PCDH11X: variants seen among roughly 807,000 people sequenced by gnomAD.
PCDH11X encodes the protein protocadherin 11 X-linked, also known as protocadherin-11 X-linked.
Under a neutral mutation model 53.3 loss-of-function variants are expected in PCDH11X, and 18 were observed. The ratio of observed to expected loss-of-function variants is 0.34; its 90% confidence interval spans 0.23 to 0.50. PCDH11X has a LOEUF of 0.50. Ranked by LOEUF, PCDH11X falls within the 20% of genes least tolerant of loss-of-function variation. PCDH11X has a pLI of 0.98. For missense variants in PCDH11X, 570 were observed against 1,032.4 expected (o/e 0.55, Z 6.14); for synonymous variants, 279 against 393.3 (o/e 0.71, Z 3.44).
chrX:92,049,028 T>A (rs1260494646), intron 6 of PCDH11X, among the ~76,000 whole-genome samples: 1 of 111,473 alleles, frequency 9.0e-6, no homozygotes, highest in African/African-American at 3.3e-5. Context: ...AAAGGAAATG[T>A]TTAGGTTAGG....
intron 10 of PCDH11X, among the ~76,000 whole-genome samples, chrX:92,600,139 T>G (rs1335355373): frequency 1.9e-5 from 2 of 105,392 alleles, no homozygotes; most frequent in African/African-American, 7.3e-5. Flanking sequence ...TTGGAAAATT[T>G]GCAGCCTGAT....
intron 6 of PCDH11X, among the ~76,000 whole-genome samples, chrX:91,925,768 A>G (rs776998074): frequency 1.8e-5 from 2 of 111,101 alleles, no homozygotes; most frequent in East Asian, 5.7e-4. Context: ...CTCAAGATTG[A>G]GAAAATATAG....
intron 6 of PCDH11X, among the ~76,000 whole-genome samples, chrX:92,007,495 C>T (rs2147973487): frequency 9.0e-6 from 1 of 111,117 alleles, no homozygotes; most frequent in African/African-American, 3.3e-5. Flanking sequence ...TGGGACTCAC[C>T]CTTCAGGGCA....
intron 6 of PCDH11X, among the ~76,000 whole-genome samples, chrX:91,886,549 TCA>T (rs1271829762): frequency 9.0e-6 from 1 of 110,968 alleles, no homozygotes; most frequent in East Asian, 2.8e-4. Flanking sequence ...ATTATATTTC[TCA>T]CTTTTTTATT....
chrX:92,278,935 C>G (rs1307416263), intron 8 of PCDH11X, among the ~76,000 whole-genome samples: 1 of 108,268 alleles, frequency 9.2e-6, no homozygotes, highest in Non-Finnish European at 1.9e-5. Flanking sequence ...CCTTAGCCTT[C>G]CGAGTAGCTG....
At chrX:92,602,701 GGA>G (rs1926373911) in intron 10 of PCDH11X, among the ~76,000 whole-genome samples, 2 of 95,685 alleles carry the variant, frequency 2.1e-5, no homozygotes. Context: ...ACATTCAATG[GGA>G]TATAGACTTC....
intron 10 of PCDH11X, among the ~76,000 whole-genome samples, chrX:92,531,622 AT>A (rs999862195): frequency 3.7e-5 from 4 of 108,536 alleles, no homozygotes; most frequent in African/African-American, 1.3e-4. Flanking sequence ...CTGAAAAAAA[AT>A]GACAATATTT....
chrX:92,606,277 C>T (rs2750691), intron 10 of PCDH11X, among the ~76,000 whole-genome samples: 1 of 97,748 alleles, frequency 1.0e-5, no homozygotes, highest in African/African-American at 4.0e-5. Context: ...GCTAAAACCA[C>T]GGGAATTTAA....
intron 8 of PCDH11X, among the ~76,000 whole-genome samples, chrX:92,301,716 A>G (rs1307834959): frequency 9.2e-6 from 1 of 108,748 alleles, no homozygotes; most frequent in Non-Finnish European, 1.9e-5. Context: ...TCCAGATATT[A>G]TTCTGCAGCT....
chrX:92,228,224 A>G (rs1312146249), intron 7 of PCDH11X, among the ~76,000 whole-genome samples: 3 of 111,841 alleles, frequency 2.7e-5, no homozygotes, highest in African/African-American at 9.7e-5. Flanking sequence ...TACTCAAGCA[A>G]TAAATGTATA....
At chrX:92,107,246 AG>A (rs1411612594) in intron 6 of PCDH11X, among the ~76,000 whole-genome samples, 1 of 111,765 alleles carries the variant, frequency 8.9e-6, no homozygotes, top group African/African-American at 3.3e-5. Context: ...TGTAAAAACA[AG>A]CTGTACCCTG....
At chrX:91,979,249 T>C (rs2062090568) in intron 6 of PCDH11X, among the ~76,000 whole-genome samples, 1 of 108,371 alleles carries the variant, frequency 9.2e-6, no homozygotes, top group South Asian at 4.0e-4. Context: ...ATATGGACTA[T>C]GAAACTGGCA....
intron 8 of PCDH11X, among the ~76,000 whole-genome samples, chrX:92,376,627 A>G (rs1224510920): frequency 8.9e-6 from 1 of 112,014 alleles, no homozygotes; most frequent in Middle Eastern, 4.2e-3. Context: ...TTAATAAAAC[A>G]CATTTCAAAG....
At chrX:91,858,946 G>A (rs1938503320) in intron 5 of PCDH11X, among the ~76,000 whole-genome samples, 1 of 109,874 alleles carries the variant, frequency 9.1e-6, no homozygotes, top group African/African-American at 3.3e-5. Flanking sequence ...CCAAATTTTG[G>A]GGTATCTTTA....
intron 10 of PCDH11X, among the ~76,000 whole-genome samples, chrX:92,511,656 C>G: frequency 9.0e-6 from 1 of 111,406 alleles, no homozygotes; most frequent in Middle Eastern, 4.6e-3. Flanking sequence ...GACCAAAATC[C>G]AGTCTTAATT....
rs180761410 is a variant in PCDH11X at position 91,834,193 on chromosome X, G to C, written c.-44-1268G>C. 3.6e-4 allele frequency among the ~76,000 whole-genome samples: 40 copies of C among 110,738 alleles called. 1 individual carries two copies. The East Asian group carries it at 0.01, about 28-fold the overall frequency. ...CACATTAGAATGTTTAATTATACTA[G>C]AGATTAAAAGATATTTAATATATAA... On this transcript the variant is annotated intron_variant, in intron 4 of 10. Coordinates refer to ENST00000682573, the MANE Select transcript of PCDH11X (RefSeq NM_032968.5).
intron 1 of PCDH11X, among the ~76,000 whole-genome samples, chrX:91,797,810 T>C (rs1312479892): frequency 9.0e-6 from 1 of 110,778 alleles, no homozygotes; most frequent in Non-Finnish European, 1.9e-5. Context: ...GGGTATTTAG[T>C]CAGAATGGAA....
chrX:92,345,212 C>T (rs1379490926), intron 8 of PCDH11X, among the ~76,000 whole-genome samples: 5 of 110,310 alleles, frequency 4.5e-5, no homozygotes, highest in Non-Finnish European at 9.5e-5. Context: ...GAAGAGGATA[C>T]GAAGAACATT....
intron 6 of PCDH11X, among the ~76,000 whole-genome samples, chrX:92,033,975 C>T (rs2148018684): frequency 9.1e-6 from 1 of 109,795 alleles, no homozygotes; most frequent in Admixed American, 9.8e-5. Context: ...TGTTTTAAAA[C>T]ATCTTTCAAT....
Sources: allele counts gnomAD v4.1 joint callset (sites outside exome capture counted in the v4.1 genomes callset), GRCh38; gene constraint gnomAD v4.1.1; transcripts MANE v1.5; gene names NCBI Gene and HGNC (gene_info 2026-07-23, HGNC 2026-07-21).